Variants in FNIP1 observed in about 807,000 individuals in gnomAD.
FNIP1 encodes folliculin-interacting protein 1.
Under a neutral mutation model 124.5 loss-of-function variants are expected in FNIP1, and 40 were observed. The ratio of observed to expected loss-of-function variants is 0.32; its 90% confidence interval spans 0.25 to 0.42. The LOEUF is 0.42. Among genes scored for constraint, FNIP1 ranks in the 10% least tolerant of loss-of-function variants. The probability of loss-of-function intolerance (pLI) is 1.00; values close to 1 mark genes in which losing one functional copy is unlikely to be tolerated. For synonymous variants in FNIP1, 472 were observed against 470.6 expected (o/e 1.00, Z -0.04); for missense variants, 1,176 against 1,403.7 (o/e 0.84, Z 2.59).
intron 1 of FNIP1, among the ~76,000 whole-genome samples, chr5:131,762,659 G>A (rs926005737): frequency 1.4e-4 from 22 of 152,222 alleles, no homozygotes; most frequent in Middle Eastern, 3.4e-3. Context: ...AGGAATGTTA[G>A]TATGACCACT....
intron 15 of FNIP1, among the ~76,000 whole-genome samples, chr5:131,652,264 G>A (rs1236558826): frequency 6.6e-6 from 1 of 152,202 alleles, no homozygotes; most frequent in Non-Finnish European, 1.5e-5. Flanking sequence ...ACAGTCTTTT[G>A]ATCATTCATT....
At chr5:131,696,443 T>TA (rs954237821) in intron 11 of FNIP1, among the ~76,000 whole-genome samples, 10 of 151,736 alleles carry the variant, frequency 6.6e-5, no homozygotes, top group Admixed American at 2.6e-4. Flanking sequence ...GCCAGTAAAC[T>TA]AAAAAAAACC....
chr5:131,736,928 CAA>C (rs1031002943), intron 2 of FNIP1, among the ~76,000 whole-genome samples: 5 of 152,076 alleles, frequency 3.3e-5, no homozygotes, highest in Admixed American at 3.3e-4. Context: ...TTCAGAAAAG[CAA>C]AAGTTCTTTG....
intron 1 of FNIP1, among the ~76,000 whole-genome samples, chr5:131,752,050 C>CT (rs971921452): frequency 1.5e-4 from 23 of 151,374 alleles, no homozygotes; most frequent in East Asian, 5.8e-4. Context: ...AGTTTGTATT[C>CT]TTTTTTTTTG....
chr5:131,696,199 G>A (rs1339477391), intron 11 of FNIP1, among the ~76,000 whole-genome samples: 2 of 152,158 alleles, frequency 1.3e-5, no homozygotes, highest in East Asian at 3.8e-4. Flanking sequence ...AAATTGAGAA[G>A]TTATGAAGCC....
At chr5:131,729,456 T>G (rs896971780) in intron 3 of FNIP1, among the ~76,000 whole-genome samples, 4 of 152,222 alleles carry the variant, frequency 2.6e-5, no homozygotes, top group African/African-American at 9.6e-5. Flanking sequence ...CGCCCAGTTC[T>G]AACTTCCCAG....
At chr5:131,670,107 C>T (rs951662741) in intron 15 of FNIP1, among the ~76,000 whole-genome samples, 2 of 152,026 alleles carry the variant, frequency 1.3e-5, no homozygotes, top group African/African-American at 2.4e-5. Context: ...TACACAAAAG[C>T]CAACCCCACT....
At chr5:131,688,026 G>A (rs1768340231) in intron 11 of FNIP1, among the ~76,000 whole-genome samples, 2 of 151,896 alleles carry the variant, frequency 1.3e-5, no homozygotes, top group Admixed American at 1.3e-4. Flanking sequence ...GCTGGCCTCT[G>A]GAAAGAAAAA....
chr5:131,704,516 A>C (rs1769013450), intron 9 of FNIP1, among the ~76,000 whole-genome samples: 2 of 152,204 alleles, frequency 1.3e-5, no homozygotes, highest in Admixed American at 1.3e-4. Flanking sequence ...TAACTAAAGA[A>C]GTAGATAATC....
At chr5:131,693,990 T>C (rs251015) in intron 11 of FNIP1, among the ~76,000 whole-genome samples, 97,497 of 151,922 alleles carry the variant, frequency 0.64, 33,168 homozygotes, top group Non-Finnish European at 0.77. Flanking sequence ...ACATATGTCA[T>C]TGGGGAACTT....
rs891794823 is a variant in FNIP1 at position 131,656,580 on chromosome 5, C to T, written c.3109-4581G>A. ...AAGGATCTAAAGCTGGAGAATTTAA[C>T]GCTAGGAAAGTATGGTTTGATAATT... On this transcript the variant is annotated intron_variant, in intron 15 of 17. Coordinates refer to ENST00000510461, the MANE Select transcript of FNIP1 (RefSeq NM_133372.3). Among the ~76,000 whole-genome samples, 8 of 151,952 alleles carry T rather than the reference C, an allele frequency of 5.3e-5. No individual in the cohort carries two copies. In the South Asian group the frequency reaches 8.3e-4, roughly 16 times the overall value.
chr5:131,785,744 C>T (rs1772193563), intron 1 of FNIP1, among the ~76,000 whole-genome samples: 2 of 152,110 alleles, frequency 1.3e-5, no homozygotes, highest in Middle Eastern at 3.2e-3. Flanking sequence ...GTGGTATACA[C>T]TTGTAGTCTC....
At chr5:131,735,807 ATG>A (rs141584109) in intron 2 of FNIP1, among the ~76,000 whole-genome samples, 3,820 of 147,988 alleles carry the variant, frequency 0.026, 136 homozygotes, top group African/African-American at 0.085. Flanking sequence ...ACTTAAGGGA[ATG>A]TGTGTGTGTG....
At chr5:131,666,507 A>C (rs1767608660) in intron 15 of FNIP1, among the ~76,000 whole-genome samples, 1 of 152,102 alleles carries the variant, frequency 6.6e-6, no homozygotes, top group Non-Finnish European at 1.5e-5. Flanking sequence ...TATTTGTATT[A>C]CTCTTTGTTC....
rs142006145 is a variant in FNIP1, at chr5:131,663,913, A to G, written c.3108+6550T>C. Among the ~76,000 whole-genome samples, 323 of 152,352 alleles carry G rather than the reference A, an allele frequency of 2.1e-3. 1 individual carries two copies. The highest frequency in any genetic ancestry group is 7.3e-3 in the African/African-American group (304 of 41,590). ...AAGAATGTGGTTTTGATGGGAGGCT[A>G]TAAGAAGGCATGGGAATATGGTTTT... On this transcript the variant is annotated intron_variant, in intron 15 of 17. Coordinates refer to ENST00000510461, the MANE Select transcript of FNIP1 (RefSeq NM_133372.3).
intron 1 of FNIP1, among the ~76,000 whole-genome samples, chr5:131,772,272 G>T (rs146928749): frequency 3.9e-5 from 6 of 152,058 alleles, no homozygotes. Flanking sequence ...TCACTAAAAG[G>T]TACAGGGAAC....
intron 2 of FNIP1, among the ~76,000 whole-genome samples, chr5:131,739,819 A>C (rs1770451144): frequency 2.0e-5 from 3 of 150,970 alleles, no homozygotes; most frequent in African/African-American, 7.3e-5. Flanking sequence ...GCTCAAAAAA[A>C]AAAAAAAAAA....
chr5:131,725,157 T>A (rs1218320495), intron 3 of FNIP1, among the ~76,000 whole-genome samples: 1 of 152,216 alleles, frequency 6.6e-6, no homozygotes, highest in African/African-American at 2.4e-5. Context: ...TTTGTTCTTT[T>A]GGCTTAGGAT....
chr5:131,719,794 T>C (rs1769595692), intron 3 of FNIP1, among the ~76,000 whole-genome samples: 2 of 152,206 alleles, frequency 1.3e-5, no homozygotes, highest in African/African-American at 2.4e-5. Flanking sequence ...TTCTCCAGGA[T>C]AGATAATAAG....
Sources: gnomAD v4.1 joint callset for allele counts (sites outside exome capture counted in the v4.1 genomes callset) on GRCh38, gnomAD v4.1.1 for gene constraint, MANE v1.5 for transcripts, NCBI Gene and HGNC (gene_info 2026-07-23, HGNC 2026-07-21) for gene names.